Variants in SAP130 observed in about 807,000 individuals in gnomAD.
SAP130 encodes the protein Sin3A associated protein 130, also known as histone deacetylase complex subunit SAP130.
In SAP130, 16 loss-of-function variants were observed where a neutral mutation model predicts 103.2. The ratio of observed to expected loss-of-function variants is 0.16; its 90% CI spans 0.10 to 0.24. The LOEUF is 0.24. Ranked by LOEUF, SAP130 falls within the 10% of genes least tolerant of loss-of-function variation. The pLI, the probability that SAP130 is intolerant of heterozygous loss-of-function variation, is 1.00. For synonymous variants in SAP130, 477 were observed against 497.0 expected, an observed-to-expected ratio of 0.96 and a Z score of 0.53; for missense variants, 990 against 1,359.7, an observed-to-expected ratio of 0.73 and a Z score of 4.28.
At chr2:128,015,153 A>C (rs1032384610) in intron 4 of SAP130, among the ~76,000 whole-genome samples, 8 of 152,220 alleles carry the variant, frequency 5.3e-5, no homozygotes, top group South Asian at 2.1e-4. Flanking sequence ...ACATAATTAC[A>C]GATAATATAC....
At chr2:127,958,006 G>T (rs1679964635) in intron 15 of SAP130, among the ~76,000 whole-genome samples, 1 of 152,184 alleles carries the variant, frequency 6.6e-6, no homozygotes, top group Admixed American at 6.5e-5. Context: ...AGACTGAAGA[G>T]ACCACTGAGT....
At chr2:127,979,080 GT>G (rs1235973480) in intron 14 of SAP130, among the ~76,000 whole-genome samples, 1 of 152,170 alleles carries the variant, frequency 6.6e-6, no homozygotes, top group Non-Finnish European at 1.5e-5. Context: ...TAGATGTAGA[GT>G]TTTGGATGTA....
At chr2:128,023,773 T>C (rs1685308765) in intron 2 of SAP130, among the ~76,000 whole-genome samples, 1 of 152,040 alleles carries the variant, frequency 6.6e-6, no homozygotes, top group South Asian at 2.1e-4. Flanking sequence ...TGAGACTCCG[T>C]CTCAGAAAAA....
In SAP130 at chr2:128,000,471, G is replaced by C. The variant is rs752685859; in HGVS notation, c.870-17C>G. ...GTTGGCCTACTGAAAAGATAACAAA[G>C]ACACAATGCAGATGGGCAAGGTCAT... On this transcript the variant is annotated splice_polypyrimidine_tract_variant and intron_variant, in intron 7 of 20. Transcript: ENST00000643581. 1 of 1,613,916 alleles carries C rather than the reference G, an allele frequency of 6.2e-7. No homozygotes were observed. Among genetic ancestry groups the C allele is most frequent in the South Asian group, 1.1e-5 (1 of 91,062 alleles).
At position 127,942,976 on chromosome 2, in the gene SAP130, G is replaced by A. The variant is rs542170410; in HGVS notation, c.2902-439C>T. Among the ~76,000 whole-genome samples the A allele has an allele frequency of 3.9e-5, 6 of 152,034 alleles. No homozygotes were observed. The South Asian group carries it at 1.0e-3, about 26-fold the overall frequency. On this transcript the variant is annotated intron_variant, in intron 19 of 20. Transcript: ENST00000643581. This position sits in a 1 kb window ranked among gnomAD's most constrained non-coding sequence, Gnocchi z 4.8. ...GCACTCCAGCCTGGGCAACAAGAGC[G>A]AAATTCCATCTAAAAAATAAATAAA...
At chr2:127,963,739 G>T (rs888267822) in intron 15 of SAP130, among the ~76,000 whole-genome samples, 1 of 152,100 alleles carries the variant, frequency 6.6e-6, no homozygotes, top group Non-Finnish European at 1.5e-5. Context: ...AGTCTCATGA[G>T]ATCTGACGGT....
intron 16 of SAP130, among the ~76,000 whole-genome samples, chr2:127,951,462 C>G (rs1330675498): frequency 6.6e-6 from 1 of 152,088 alleles, no homozygotes; most frequent in East Asian, 1.9e-4. Context: ...CTAGGTAAAT[C>G]CAACTCCCTT....
rs1259085696 is a variant in SAP130, at chr2:128,010,396, A to G, written c.745-3T>C. The G allele has an allele frequency of 3.1e-6, 5 of 1,606,930 alleles. No homozygotes were observed. Among genetic ancestry groups the G allele is most frequent in the Non-Finnish European group, 4.2e-6 (5 of 1,177,594 alleles). ...GAGGTGGTCACAGGTGGCCGAGACT[A>G]CCAAAAGAGAAAAAACAGTTCATTT... On this transcript the variant is annotated splice_polypyrimidine_tract_variant and splice_region_variant and intron_variant, in intron 6 of 20. Coordinates refer to ENST00000643581, the MANE Select transcript of SAP130 (RefSeq NM_001330301.2).
At chr2:127,960,421 CA>C (rs1680158166) in intron 15 of SAP130, among the ~76,000 whole-genome samples, 1 of 152,108 alleles carries the variant, frequency 6.6e-6, no homozygotes, top group Non-Finnish European at 1.5e-5. Context: ...CCAAAAATGA[CA>C]GAGATCTGAC....
intron 2 of SAP130, among the ~76,000 whole-genome samples, chr2:128,018,351 C>CAAAA (rs1289600081): frequency 1.4e-4 from 20 of 147,622 alleles, no homozygotes; most frequent in African/African-American, 4.8e-4. Context: ...AACCAAAAAC[C>CAAAA]ACGTTTTTTT....
intron 14 of SAP130, among the ~76,000 whole-genome samples, chr2:127,982,922 AAAG>A (rs2104961155): frequency 6.6e-6 from 1 of 152,272 alleles, no homozygotes; most frequent in African/African-American, 2.4e-5. Context: ...AGGTGGGAAG[AAAG>A]AAGATGGGCT....
rs1446592216 is a variant in SAP130, at chr2:127,986,535, T to C, written c.1958+250A>G. Among the ~76,000 whole-genome samples, 1 of 152,220 alleles carries C rather than the reference T, an allele frequency of 6.6e-6. No individual in the cohort carries two copies. Among genetic ancestry groups the C allele is most frequent in the Non-Finnish European group, 1.5e-5 (1 of 68,032 alleles). On this transcript the variant is annotated intron_variant, in intron 14 of 20. Transcript: ENST00000643581. The surrounding 1 kb of genome is among the most constrained non-coding windows in gnomAD (Gnocchi z 4.7). The stretch of plus-strand genomic sequence containing the variant: ...ATTGAAGTTCCAGAACTAGAGAGAA[T>C]TAAAGCAGTATGCAACAGATGCTTA...
chr2:128,006,084 G>A (rs911191379), intron 7 of SAP130, among the ~76,000 whole-genome samples: 6 of 150,074 alleles, frequency 4.0e-5, no homozygotes, highest in African/African-American at 4.9e-5. Context: ...CTTTGTAAGC[G>A]GTTAAAAAAA....
intron 15 of SAP130, among the ~76,000 whole-genome samples, chr2:127,967,767 C>T (rs952979702): frequency 6.6e-6 from 1 of 152,134 alleles, no homozygotes; most frequent in African/African-American, 2.4e-5. Flanking sequence ...GGCAAGGACA[C>T]AGAGGACTGG....
intron 12 of SAP130, among the ~76,000 whole-genome samples, chr2:127,991,321 C>T (rs1345697321): frequency 6.6e-6 from 1 of 152,062 alleles, no homozygotes; most frequent in Non-Finnish European, 1.5e-5. Context: ...AAAATATTAC[C>T]ATTTCAATAT....
At chr2:127,957,118 T>C (rs1247396937) in intron 15 of SAP130, among the ~76,000 whole-genome samples, 4 of 151,858 alleles carry the variant, frequency 2.6e-5, no homozygotes, top group African/African-American at 7.3e-5. Flanking sequence ...CTGGGCAAAA[T>C]AGTAAGACCC....
At chr2:128,005,839 A>G (rs1683935487) in intron 7 of SAP130, among the ~76,000 whole-genome samples, 1 of 152,012 alleles carries the variant, frequency 6.6e-6, no homozygotes. Context: ...CATGTTGGCC[A>G]GGCTGGTCTC....
Position 127,961,998 on chromosome 2 carries a change from C to T in SAP130, c.2064-6654G>A, listed in dbSNP as rs114556315. Reference sequence around the variant, plus strand: ...GGCGTGTTAGCTCTCAGCACGTTGACACCTCTGTCATCTGATATATGTGCT... The same window carrying T: ...GGCGTGTTAGCTCTCAGCACGTTGATACCTCTGTCATCTGATATATGTGCT... On this transcript the variant is annotated intron_variant, in intron 15 of 20. Transcript: ENST00000643581. Among the ~76,000 whole-genome samples, 1,074 of 152,296 alleles carry T rather than the reference C, an allele frequency of 7.1e-3. 10 individuals carry two copies. Among genetic ancestry groups the T allele is most frequent in the Non-Finnish European group, 0.013 (890 of 68,022 alleles).
At chr2:127,946,797 T>C (rs1177675857) in intron 18 of SAP130, among the ~76,000 whole-genome samples, 3 of 151,076 alleles carry the variant, frequency 2.0e-5, no homozygotes, top group African/African-American at 7.3e-5. Context: ...GGCAGGAGAA[T>C]TGCTTGAACC....
Sources: gnomAD v4.1 joint callset for allele counts (sites outside exome capture counted in the v4.1 genomes callset) on GRCh38, gnomAD v4.1.1 for gene constraint, Gnocchi (gnomAD v3.1) non-coding constraint, MANE v1.5 for transcripts, NCBI Gene and HGNC (gene_info 2026-07-23, HGNC 2026-07-21) for gene names.